MOSMO: variants seen among roughly 807,000 people sequenced by gnomAD.
MOSMO encodes modulator of smoothened, also known as modulator of smoothened protein.
In MOSMO, 5 loss-of-function variants were observed where a neutral mutation model predicts 18.4. That is an observed-to-expected ratio of 0.27 (90% CI 0.14 to 0.57). The LOEUF (loss-of-function observed/expected upper bound fraction) is 0.57. MOSMO is among the 20% of genes least tolerant of loss of function. The probability of loss-of-function intolerance (pLI) is 0.92; values close to 1 mark genes in which losing one functional copy is unlikely to be tolerated. For missense variants in MOSMO, 138 were observed against 211.8 expected (o/e 0.65, Z 2.16); for synonymous variants, 82 against 82.3 (o/e 1.00, Z 0.02).
chr16:22,008,427 G>A lies in MOSMO; in HGVS notation c.106+20G>A. ...CTGCGGGTGAGCCGCTGGCGCGCCGGGCCGGGCGGGGGATTGGCTGAGGGC... is the reference window on the plus strand; with the variant it reads ...CTGCGGGTGAGCCGCTGGCGCGCCGAGCCGGGCGGGGGATTGGCTGAGGGC... On this transcript the variant is annotated intron_variant, in intron 1 of 2. Transcript: ENST00000542527. 4.0e-6 allele frequency: 5 copies of A among 1,262,762 alleles called. No homozygotes were observed. Among genetic ancestry groups the A allele is most frequent in the Non-Finnish European group, 5.1e-6 (5 of 979,440 alleles). The allele number at this position is 1,262,762 out of a possible 1,614,324, so 78.2% of individuals were successfully genotyped here. A position where few individuals can be genotyped will look rare whatever the true frequency, so the allele number is the denominator to read the frequency against.
At chr16:22,055,913 CTT>C (rs1322604147) in intron 1 of MOSMO, among the ~76,000 whole-genome samples, 1 of 152,186 alleles carries the variant, frequency 6.6e-6, no homozygotes, top group African/African-American at 2.4e-5. Context: ...TTATGCCTCT[CTT>C]ATATGCCTGT....
intron 1 of MOSMO, among the ~76,000 whole-genome samples, chr16:22,020,380 C>T (rs1440349636): frequency 5.4e-5 from 8 of 148,746 alleles, no homozygotes; most frequent in African/African-American, 9.9e-5. Flanking sequence ...CTGCAACCTC[C>T]GCCTCCCGGG....
intron 1 of MOSMO, among the ~76,000 whole-genome samples, chr16:22,028,587 C>T (rs959111383): frequency 2.0e-5 from 3 of 152,228 alleles, no homozygotes; most frequent in South Asian, 2.1e-4. Context: ...ATAATTACTA[C>T]TCTATAAACA....
Position 22,052,943 on chromosome 16 carries a change from C to T in MOSMO, c.107-22544C>T, listed in dbSNP as rs1900454948. The stretch of plus-strand genomic sequence containing the variant: ...ATTCAAAAAGTAATAGTAATATTCT[C>T]TCATCTTCTTTTTTTTTTTTTTTTT... On this transcript the variant is annotated intron_variant, in intron 1 of 2. Transcript: ENST00000542527. Among the ~76,000 whole-genome samples, 3 of 149,696 alleles carry T rather than the reference C, an allele frequency of 2.0e-5. No homozygotes were observed. In the South Asian group the frequency reaches 6.3e-4, roughly 32 times the overall value.
intron 1 of MOSMO, among the ~76,000 whole-genome samples, chr16:22,063,849 G>A (rs944422874): frequency 1.3e-5 from 2 of 152,156 alleles, no homozygotes; most frequent in African/African-American, 4.8e-5. Context: ...TGTTCTGATA[G>A]AAGTCTGAAT....
chr16:22,080,926 A>T lies in MOSMO; in HGVS notation c.*46A>T, dbSNP rs1462979885. 2.0e-6 allele frequency: 2 copies of T among 995,432 alleles called. No homozygotes were observed. The highest frequency in any genetic ancestry group is 3.4e-4 in the Middle Eastern group (1 of 2,916). The allele number at this position is 995,432 out of a possible 1,614,324, so 61.7% of individuals were successfully genotyped here. ...CTCTTATTATTTTTTATTTTATTTT[A>T]TTTTTTTATTTTTGGAGGGTGGAGA... is the stretch of plus-strand genomic sequence containing the variant. On this transcript the variant is annotated 3_prime_UTR_variant, in exon 3 of 3. Coordinates refer to ENST00000542527, the MANE Select transcript of MOSMO (RefSeq NM_001164579.2).
intron 1 of MOSMO, among the ~76,000 whole-genome samples, chr16:22,024,523 C>T (rs992247784): frequency 6.6e-6 from 1 of 151,952 alleles, no homozygotes; most frequent in African/African-American, 2.4e-5. Context: ...TATGCCACCA[C>T]ACCCAGCTAA....
chr16:22,024,554 A>G (rs1899837159), intron 1 of MOSMO, among the ~76,000 whole-genome samples: 1 of 151,892 alleles, frequency 6.6e-6, no homozygotes, highest in African/African-American at 2.4e-5. Context: ...TTTAGCAGAG[A>G]CGGGGTTTCA....
intron 2 of MOSMO, among the ~76,000 whole-genome samples, chr16:22,077,378 A>AT (rs1332061271): frequency 6.6e-6 from 1 of 152,010 alleles, no homozygotes; most frequent in East Asian, 1.9e-4. Flanking sequence ...TTTTTTCTTT[A>AT]TTTTTTAAAT....
At chr16:22,034,096 A>G (rs949891463) in intron 1 of MOSMO, among the ~76,000 whole-genome samples, 2 of 152,208 alleles carry the variant, frequency 1.3e-5, no homozygotes, top group African/African-American at 4.8e-5. Flanking sequence ...AAATGACACT[A>G]TACCACTTAA....
At chr16:22,042,363 A>G (rs920011914) in intron 1 of MOSMO, among the ~76,000 whole-genome samples, 1 of 152,190 alleles carries the variant, frequency 6.6e-6, no homozygotes, top group Non-Finnish European at 1.5e-5. Context: ...ATCTTCTAAT[A>G]ATTCATCCTG....
intron 1 of MOSMO, among the ~76,000 whole-genome samples, chr16:22,032,214 G>T (rs1223092124): frequency 7.1e-6 from 1 of 139,986 alleles, no homozygotes; most frequent in East Asian, 2.1e-4. Context: ...TTTGGTGAGA[G>T]ATTCTCACTC....
intron 1 of MOSMO, among the ~76,000 whole-genome samples, chr16:22,039,936 T>C (rs2142002090): frequency 6.6e-6 from 1 of 152,340 alleles, no homozygotes; most frequent in East Asian, 1.9e-4. Flanking sequence ...CTAGAATATA[T>C]GCTTCATGAG....
At chr16:22,048,582 T>A (rs1237211685) in intron 1 of MOSMO, among the ~76,000 whole-genome samples, 2 of 152,230 alleles carry the variant, frequency 1.3e-5, no homozygotes, top group Non-Finnish European at 2.9e-5. Flanking sequence ...GCCACATATT[T>A]AATCTTTTGA....
At chr16:22,011,121 A>T (rs546274928) in intron 1 of MOSMO, among the ~76,000 whole-genome samples, 2 of 152,284 alleles carry the variant, frequency 1.3e-5, no homozygotes, top group Non-Finnish European at 2.9e-5. Flanking sequence ...GCCAACGGTG[A>T]TAAGTAGGTT....
At position 22,009,670 on chromosome 16, in the gene MOSMO, T is replaced by G. The variant is rs1197014881; in HGVS notation, c.106+1263T>G. 2.0e-5 allele frequency among the ~76,000 whole-genome samples: 3 copies of G among 151,602 alleles called. No individual in the cohort carries two copies. In the East Asian group the frequency reaches 5.8e-4, roughly 29 times the overall value. On this transcript the variant is annotated intron_variant, in intron 1 of 2. Transcript: ENST00000542527. Reference sequence around the variant, plus strand: ...AGCTCCCTCCATGGATAATTTCTTATAAAAATGCGGCCGGGCGCGGTGGCT... The same window carrying G: ...AGCTCCCTCCATGGATAATTTCTTAGAAAAATGCGGCCGGGCGCGGTGGCT...
At chr16:22,044,752 C>G (rs868194844) in intron 1 of MOSMO, among the ~76,000 whole-genome samples, 3 of 152,030 alleles carry the variant, frequency 2.0e-5, no homozygotes, top group Non-Finnish European at 4.4e-5. Flanking sequence ...TGGCAGATCC[C>G]CAGGCAGCCT....
At chr16:22,044,244 A>G (rs182154235) in intron 1 of MOSMO, among the ~76,000 whole-genome samples, 3 of 152,278 alleles carry the variant, frequency 2.0e-5, no homozygotes, top group Admixed American at 6.5e-5. Context: ...ATGGAGTACT[A>G]CCCACTGAAG....
chr16:22,036,245 C>T (rs956730618), intron 1 of MOSMO, among the ~76,000 whole-genome samples: 1 of 152,040 alleles, frequency 6.6e-6, no homozygotes. Flanking sequence ...CTTACCTCAG[C>T]CTCTCGAGTA....
Sources: gnomAD v4.1 joint callset for allele counts (sites outside exome capture counted in the v4.1 genomes callset) on GRCh38, gnomAD v4.1.1 for gene constraint, MANE v1.5 for transcripts, NCBI Gene and HGNC (gene_info 2026-07-23, HGNC 2026-07-21) for gene names.